TRPM3: variants seen among roughly 807,000 people sequenced by gnomAD.
The protein encoded by TRPM3 is transient receptor potential cation channel subfamily M member 3.
In TRPM3, 77 loss-of-function variants were observed where a neutral mutation model predicts 181.2. The observed-to-expected ratio is 0.42, with a 90% confidence interval of 0.35 to 0.51. The LOEUF (loss-of-function observed/expected upper bound fraction) is 0.51, where lower values mean the gene tolerates loss of function less well. Ranked by LOEUF, TRPM3 falls within the 20% of genes least tolerant of loss-of-function variation. The pLI is 0.01. For synonymous variants in TRPM3, 745 were observed against 796.4 expected, an observed-to-expected ratio of 0.94 and a Z score of 1.09; for missense variants, 1,759 against 2,196.7, an observed-to-expected ratio of 0.80 and a Z score of 3.98.
chr9:70,942,974 G>T (rs1308120134), intron 1 of TRPM3, among the ~76,000 whole-genome samples: 1 of 151,994 alleles, frequency 6.6e-6, no homozygotes, highest in Non-Finnish European at 1.5e-5. Context: ...ATCAAGAAAG[G>T]TTTCCTAACT....
In TRPM3 at chr9:70,635,193, A is replaced by G. The variant is rs1259264480; in HGVS notation, c.1632+18T>C. ...AGTCAAGACAGGGCCTCCGACCTGC[A>G]GTCGAGAGGGTTCTTACCTTTTTGA... On this transcript the variant is annotated intron_variant, in intron 12 of 25. Coordinates refer to ENST00000677713, the MANE Select transcript of TRPM3 (RefSeq NM_001366145.2). 3.1e-6 allele frequency: 5 copies of G among 1,612,468 alleles called. No individual in the cohort carries two copies. The highest frequency in any genetic ancestry group is 4.2e-6 in the Non-Finnish European group (5 of 1,178,752).
At chr9:71,090,468 A>G (rs2066013594) in intron 1 of TRPM3, among the ~76,000 whole-genome samples, 1 of 152,100 alleles carries the variant, frequency 6.6e-6, no homozygotes. Context: ...CTCATCCAAC[A>G]ATTTCCAGAT....
intron 1 of TRPM3, among the ~76,000 whole-genome samples, chr9:71,029,663 A>G (rs935466907): frequency 6.6e-6 from 1 of 152,212 alleles, no homozygotes; most frequent in African/African-American, 2.4e-5. Context: ...TGTTCTTGAG[A>G]GTAGTCCTTC....
intron 1 of TRPM3, among the ~76,000 whole-genome samples, chr9:71,320,461 A>G (rs1228091911): frequency 1.3e-5 from 2 of 152,206 alleles, no homozygotes; most frequent in Non-Finnish European, 2.9e-5. Flanking sequence ...TGTTGGTCAG[A>G]GACAAGAGAA....
intron 21 of TRPM3, among the ~76,000 whole-genome samples, chr9:70,594,776 G>A (rs561983187): frequency 9.2e-5 from 14 of 152,308 alleles, no homozygotes; most frequent in African/African-American, 3.4e-4. Flanking sequence ...CCACAGGGCA[G>A]GGACTCACTT....
intron 3 of TRPM3, among the ~76,000 whole-genome samples, chr9:70,861,123 C>T (rs779137100): frequency 2.6e-5 from 4 of 152,092 alleles, no homozygotes; most frequent in Non-Finnish European, 5.9e-5. Flanking sequence ...ATAGAATAGA[C>T]TGGACTTGTA....
chr9:71,267,405 G>A (rs920909894), intron 1 of TRPM3, among the ~76,000 whole-genome samples: 1 of 152,182 alleles, frequency 6.6e-6, no homozygotes, highest in African/African-American at 2.4e-5. Context: ...CCCAGTAAGT[G>A]GCTGCCCATA....
chr9:70,743,344 C>T (rs1157989226), intron 8 of TRPM3, among the ~76,000 whole-genome samples: 2 of 152,264 alleles, frequency 1.3e-5, no homozygotes, highest in Non-Finnish European at 2.9e-5. Context: ...TATTTTTCTT[C>T]AAATTAATTC....
rs571257895 is a variant in TRPM3, at chr9:71,101,216, T to G, written c.177+19962A>C. Among the ~76,000 whole-genome samples the G allele has an allele frequency of 4.6e-5, 7 of 152,264 alleles. No homozygotes were observed. The South Asian group carries it at 1.4e-3, about 32-fold the overall frequency. ...AGGATTGATATTGTGGAATAAACCA[T>G]AAGTATCTCTGCTCTTGAGACATGA... On this transcript the variant is annotated intron_variant, in intron 1 of 25. Transcript: ENST00000677713.
At chr9:71,101,500 G>A (rs1254091043) in intron 1 of TRPM3, among the ~76,000 whole-genome samples, 1 of 152,152 alleles carries the variant, frequency 6.6e-6, no homozygotes, top group Non-Finnish European at 1.5e-5. Context: ...GGAGAGTACA[G>A]GGAGTACAGG....
intron 8 of TRPM3, among the ~76,000 whole-genome samples, chr9:70,740,654 G>A (rs1024045535): frequency 2.0e-5 from 3 of 152,116 alleles, no homozygotes; most frequent in Admixed American, 6.6e-5. Flanking sequence ...GAACATGATA[G>A]AGAACCCAGA....
At chr9:70,798,686 A>C (rs1256977048) in intron 6 of TRPM3, among the ~76,000 whole-genome samples, 1 of 152,188 alleles carries the variant, frequency 6.6e-6, no homozygotes, top group Non-Finnish European at 1.5e-5. Flanking sequence ...AAAAGGTACA[A>C]TGCTTAGGAT....
At chr9:70,860,965 C>G (rs2095505368) in intron 3 of TRPM3, among the ~76,000 whole-genome samples, 1 of 152,168 alleles carries the variant, frequency 6.6e-6, no homozygotes, top group Admixed American at 6.6e-5. Flanking sequence ...TTCTCCATGT[C>G]ATAGCATTAT....
chr9:70,535,036 T>G lies in TRPM3; in HGVS notation c.*917A>C, dbSNP rs1775448963. ...TTCAGGCTAGTTCTGTCCACTGTTT[T>G]TTTTTTTTTTTTTTTAAGTTCAATA... is the stretch of plus-strand genomic sequence containing the variant. On this transcript the variant is annotated 3_prime_UTR_variant, in exon 26 of 26. Coordinates refer to ENST00000677713, the MANE Select transcript of TRPM3 (RefSeq NM_001366145.2). 1 of 155,344 alleles carries G rather than the reference T, an allele frequency of 6.4e-6. No individual in the cohort carries two copies. Among genetic ancestry groups the G allele is most frequent in the Non-Finnish European group, 1.4e-5 (1 of 70,774 alleles). The allele number at this position is 155,344 out of a possible 1,614,324, so 9.6% of individuals were successfully genotyped here.
At chr9:70,982,203 A>C (rs1762559402) in intron 1 of TRPM3, among the ~76,000 whole-genome samples, 1 of 152,164 alleles carries the variant, frequency 6.6e-6, no homozygotes, top group Non-Finnish European at 1.5e-5. Flanking sequence ...TTCTTGGGTC[A>C]ATTTACTGAT....
At chr9:70,582,328 C>G (rs1157580398) in intron 22 of TRPM3, among the ~76,000 whole-genome samples, 2 of 152,154 alleles carry the variant, frequency 1.3e-5, no homozygotes, top group Non-Finnish European at 2.9e-5. Flanking sequence ...TTTCTAGTTT[C>G]TTTATATGTA....
At chr9:71,059,455 T>C (rs979467524) in intron 1 of TRPM3, among the ~76,000 whole-genome samples, 1 of 152,090 alleles carries the variant, frequency 6.6e-6, no homozygotes, top group Non-Finnish European at 1.5e-5. Context: ...GTTTCCTGTT[T>C]AGTTCTGAGT....
intron 1 of TRPM3, among the ~76,000 whole-genome samples, chr9:70,992,561 G>T (rs1189805983): frequency 6.6e-6 from 1 of 152,180 alleles, no homozygotes; most frequent in Non-Finnish European, 1.5e-5. Flanking sequence ...TGTGGTGATG[G>T]AAATGATCTA....
intron 1 of TRPM3, among the ~76,000 whole-genome samples, chr9:71,017,205 C>T (rs1235415359): frequency 6.6e-6 from 1 of 151,998 alleles, no homozygotes; most frequent in African/African-American, 2.4e-5. Context: ...TTCTGCTTTG[C>T]TCAGTTTTCT....
Sources: allele counts gnomAD v4.1 joint callset (sites outside exome capture counted in the v4.1 genomes callset), GRCh38; gene constraint gnomAD v4.1.1; transcripts MANE v1.5; gene names NCBI Gene and HGNC (gene_info 2026-07-23, HGNC 2026-07-21).